The following ANKRD42 variants were observed in gnomAD, a reference collection of about 807,000 sequenced individuals.
ANKRD42 encodes ankyrin repeat domain 42, also known as ankyrin repeat domain-containing protein 42.
A neutral mutation model predicts 51.5 loss-of-function variants in ANKRD42; 43 were observed. The observed-to-expected ratio is 0.83, with a 90% CI of 0.65 to 1.08. The LOEUF (loss-of-function observed/expected upper bound fraction) is 1.08, where lower values mean the gene tolerates loss of function less well. Ranked by LOEUF, ANKRD42 falls within the 50% of genes least tolerant of loss-of-function variation. The pLI is 0.00. For synonymous variants in ANKRD42, 203 were observed against 213.0 expected (o/e 0.95, Z 0.41); for missense variants, 608 against 629.3 (o/e 0.97, Z 0.36).
At chr11:83,212,566 C>A in intron 5 of ANKRD42, 1 of 1,118,448 alleles carries the variant, frequency 8.9e-7, no homozygotes, top group Non-Finnish European at 1.3e-6. Context: ...GAAAATGATA[C>A]TTAAATGATA....
At chr11:83,257,440 A>G (rs1343914318), downstream of ANKRD42, 1 of 395,240 alleles carries the variant, frequency 2.5e-6, no homozygotes, top group Admixed American at 3.2e-5. Flanking sequence ...ACTGAAAGCC[A>G]TAGTTGTTTT....
At chr11:83,204,204 A>G (rs188652584) in intron 2 of ANKRD42, among the ~76,000 whole-genome samples, 3 of 152,262 alleles carry the variant, frequency 2.0e-5, no homozygotes, top group Admixed American at 2.0e-4. Flanking sequence ...CAGCCTCCCA[A>G]AATGCTGAGA....
intron 9 of ANKRD42, among the ~76,000 whole-genome samples, chr11:83,242,646 A>G (rs1485887351): frequency 6.8e-6 from 1 of 146,330 alleles, no homozygotes; most frequent in African/African-American, 2.6e-5. Flanking sequence ...GCTCACTGCA[A>G]CCTCCGCCTC....
chr11:83,198,763 T>A, intron 2 of ANKRD42, 121 bp downstream of exon 2: 1 of 919,966 alleles, frequency 1.1e-6, no homozygotes, highest in Non-Finnish European at 1.5e-6. Context: ...TCAGTCATAG[T>A]CAGTTTAATA....
At chr11:83,241,526 G>T (rs1449887638) in intron 9 of ANKRD42, among the ~76,000 whole-genome samples, 1 of 151,958 alleles carries the variant, frequency 6.6e-6, no homozygotes, top group Non-Finnish European at 1.5e-5. Context: ...TTGGAAGAAC[G>T]TGCCAGCAGA....
downstream of ANKRD42, among the ~76,000 whole-genome samples, chr11:83,263,080 A>G (rs545301501): frequency 1.3e-5 from 2 of 151,948 alleles, no homozygotes; most frequent in South Asian, 4.1e-4. Flanking sequence ...ACTTGACTCC[A>G]AAGCCATTTT....
At chr11:83,231,804 A>G (rs1428000323) in intron 7 of ANKRD42, among the ~76,000 whole-genome samples, 1 of 152,126 alleles carries the variant, frequency 6.6e-6, no homozygotes, top group Non-Finnish European at 1.5e-5. Flanking sequence ...CATTTATTGA[A>G]GAGACTGTCT....
At chr11:83,244,036 C>T (rs1439395529) in intron 9 of ANKRD42, among the ~76,000 whole-genome samples, 5 of 123,048 alleles carry the variant, frequency 4.1e-5, no homozygotes, top group African/African-American at 1.6e-4. Flanking sequence ...GGCTGGAATG[C>T]AGTGGCACGA....
chr11:83,230,503 CAA>C (rs1863034299), intron 7 of ANKRD42, among the ~76,000 whole-genome samples: 1 of 152,132 alleles, frequency 6.6e-6, no homozygotes, highest in Non-Finnish European at 1.5e-5. Flanking sequence ...TGAGAACATG[CAA>C]AGTTTGTCTT....
intron 7 of ANKRD42, among the ~76,000 whole-genome samples, chr11:83,229,944 T>C (rs1404430100): frequency 6.6e-6 from 1 of 152,344 alleles, no homozygotes; most frequent in Non-Finnish European, 1.5e-5. Flanking sequence ...ATTCACATCA[T>C]GGAGAATGGG....
intron 2 of ANKRD42, among the ~76,000 whole-genome samples, chr11:83,199,001 A>G (rs1453693532): frequency 1.3e-5 from 2 of 152,174 alleles, no homozygotes; most frequent in African/African-American, 2.4e-5. Context: ...GATGCTGGTT[A>G]TGGATTAGGC....
intron 7 of ANKRD42, among the ~76,000 whole-genome samples, chr11:83,231,905 C>T (rs776349184): frequency 1.3e-5 from 2 of 150,206 alleles, no homozygotes; most frequent in African/African-American, 4.9e-5. Flanking sequence ...GTCTATTAGT[C>T]GGGCATGATG....
At chr11:83,262,077 ATTTTC>A, downstream of ANKRD42, 1 of 677,602 alleles carries the variant, frequency 1.5e-6, no homozygotes, top group South Asian at 2.2e-5. Flanking sequence ...AATCCAACCA[ATTTTC>A]TATCCTATGT....
chr11:83,234,129 A>C (rs1863160474), intron 7 of ANKRD42, among the ~76,000 whole-genome samples: 3 of 152,104 alleles, frequency 2.0e-5, no homozygotes, highest in Admixed American at 2.0e-4. Context: ...AAATTTTTCA[A>C]CTTCCTTCTT....
chr11:83,197,512 G>T (rs147324296), intron 1 of ANKRD42, among the ~76,000 whole-genome samples: 64 of 152,316 alleles, frequency 4.2e-4, no homozygotes, highest in African/African-American at 1.5e-3. Context: ...CATTCTGATT[G>T]TGGAGAGAGG....
At chr11:83,216,259 A>T (rs1225825835) in intron 5 of ANKRD42, among the ~76,000 whole-genome samples, 1 of 151,940 alleles carries the variant, frequency 6.6e-6, no homozygotes, top group East Asian at 1.9e-4. Flanking sequence ...AGTGATTTTT[A>T]TACCTTCAAA....
chr11:83,203,471 G>A (rs1210976775), intron 2 of ANKRD42, among the ~76,000 whole-genome samples: 1 of 146,690 alleles, frequency 6.8e-6, no homozygotes, highest in Non-Finnish European at 1.5e-5. Flanking sequence ...TTGGTTGACT[G>A]CAACCCCTGC....
chr11:83,259,380 G>C (rs1863835080), downstream of ANKRD42: 3 of 152,086 alleles, frequency 2.0e-5, no homozygotes, highest in African/African-American at 7.2e-5. Flanking sequence ...AAAAGTAATG[G>C]GGACAGGGTA....
downstream of ANKRD42, chr11:83,260,233 CTTAAGA>C (rs1352343787): frequency 6.6e-6 from 1 of 152,132 alleles, no homozygotes; most frequent in Non-Finnish European, 1.5e-5. Context: ...TGTCTCTCTC[CTTAAGA>C]TTGTCAATTC....
Sources: allele counts gnomAD v4.1 joint callset (sites outside exome capture counted in the v4.1 genomes callset), GRCh38; gene constraint gnomAD v4.1.1; transcripts MANE v1.5; gene names NCBI Gene and HGNC (gene_info 2026-07-23, HGNC 2026-07-21).